DLGAP2: variants seen among roughly 807,000 people sequenced by gnomAD.
The protein encoded by DLGAP2 is DLG associated protein 2, also known as disks large-associated protein 2.
A neutral mutation model predicts 100.3 loss-of-function variants in DLGAP2; 26 were observed. That is an observed-to-expected ratio of 0.26 (90% CI 0.19 to 0.36). The LOEUF is 0.36. Ranked by LOEUF, DLGAP2 falls within the 10% of genes least tolerant of loss-of-function variation. The pLI is 1.00. For synonymous variants in DLGAP2, 886 were observed against 630.1 expected, an observed-to-expected ratio of 1.41 and a Z score of -6.08; for missense variants, 1,858 against 1,453.2, an observed-to-expected ratio of 1.28 and a Z score of -4.53.
At position 1,602,329 on chromosome 8, in the gene DLGAP2, G is replaced by T. The variant is rs540210632; in HGVS notation, c.1443-24411G>T. ...TTTCTAATTAATGGTGTGCTCTGAT[G>T]AATCGATGTCACTGAAATGGGGTCT... On this transcript the variant is annotated intron_variant, in intron 6 of 14. Coordinates refer to ENST00000637795, the MANE Select transcript of DLGAP2 (RefSeq NM_001346810.2). 2.6e-5 allele frequency among the ~76,000 whole-genome samples: 4 copies of T among 152,334 alleles called. No homozygotes were observed. In the South Asian group the frequency reaches 8.3e-4, roughly 32 times the overall value.
chr8:1,159,536 T>C (rs562862024), intron 2 of DLGAP2, among the ~76,000 whole-genome samples: 1 of 151,828 alleles, frequency 6.6e-6, no homozygotes, highest in South Asian at 2.1e-4. Context: ...TTAGAGTTTT[T>C]ACTAAGATGT....
At chr8:1,701,052 G>A (rs771273828) in intron 14 of DLGAP2, 136 bp from the exon 15 acceptor site, 2 of 761,676 alleles carry the variant, frequency 2.6e-6, no homozygotes, top group Non-Finnish European at 2.1e-6. Context: ...AGGGCAGACG[G>A]GGGACGGGAG....
chr8:1,172,818 C>G (rs1432232272), intron 2 of DLGAP2, among the ~76,000 whole-genome samples: 1 of 152,124 alleles, frequency 6.6e-6, no homozygotes, highest in Non-Finnish European at 1.5e-5. Context: ...ACTTCTTTGC[C>G]TATGGTTTGA....
chr8:1,620,820 T>G (rs1797308801), intron 6 of DLGAP2, among the ~76,000 whole-genome samples: 1 of 152,214 alleles, frequency 6.6e-6, no homozygotes, highest in Admixed American at 6.5e-5. Flanking sequence ...CACAAGTCCC[T>G]GATTAAGAAC....
chr8:1,068,696 A>T (rs919279216), intron 2 of DLGAP2, among the ~76,000 whole-genome samples: 5 of 151,810 alleles, frequency 3.3e-5, no homozygotes, highest in Admixed American at 6.6e-5. Context: ...CGCATGTGGG[A>T]CAGAGGGAGG....
At chr8:1,272,977 G>C (rs1426632414) in intron 3 of DLGAP2, among the ~76,000 whole-genome samples, 2 of 152,128 alleles carry the variant, frequency 1.3e-5, no homozygotes, top group South Asian at 2.1e-4. Flanking sequence ...AGGAATGTTC[G>C]GAGTGTGCTG....
chr8:1,021,283 G>A (rs1490952030), intron 2 of DLGAP2, among the ~76,000 whole-genome samples: 1 of 152,142 alleles, frequency 6.6e-6, no homozygotes, highest in Non-Finnish European at 1.5e-5. Context: ...ATTATAAGCT[G>A]CCAGCCCTAA....
At chr8:1,200,689 T>G (rs187075702) in intron 2 of DLGAP2, among the ~76,000 whole-genome samples, 2 of 151,644 alleles carry the variant, frequency 1.3e-5, no homozygotes, top group Non-Finnish European at 2.9e-5. Flanking sequence ...GCCCTTGACC[T>G]TCAAAGGTTG....
chr8:997,471 C>A (rs1563134931), intron 2 of DLGAP2, among the ~76,000 whole-genome samples: 1 of 152,080 alleles, frequency 6.6e-6, no homozygotes, highest in African/African-American at 2.4e-5. Flanking sequence ...ATCACAAAGC[C>A]TTCTACTCCT....
At chr8:1,420,074 G>T (rs1797046091) in intron 3 of DLGAP2, among the ~76,000 whole-genome samples, 1 of 152,186 alleles carries the variant, frequency 6.6e-6, no homozygotes, top group Non-Finnish European at 1.5e-5. Flanking sequence ...GGCCATCCCT[G>T]ATCCAGCTAA....
At chr8:1,525,280 A>G (rs1308727843) in intron 4 of DLGAP2, among the ~76,000 whole-genome samples, 4 of 150,924 alleles carry the variant, frequency 2.7e-5, no homozygotes, top group Non-Finnish European at 5.9e-5. Context: ...CAAAATTCAA[A>G]CCAGGCTTCT....
intron 3 of DLGAP2, among the ~76,000 whole-genome samples, chr8:1,304,360 C>A (rs1179584179): frequency 6.6e-6 from 1 of 152,214 alleles, no homozygotes; most frequent in Non-Finnish European, 1.5e-5. Context: ...AGCCTTTGAA[C>A]CTGGTGGAAC....
chr8:1,333,170 C>A (rs1373305095), intron 3 of DLGAP2, among the ~76,000 whole-genome samples: 1 of 152,172 alleles, frequency 6.6e-6, no homozygotes, highest in Non-Finnish European at 1.5e-5. Context: ...CAGGGACCAT[C>A]CAGAAGCCTC....
intron 3 of DLGAP2, among the ~76,000 whole-genome samples, chr8:1,370,832 G>A (rs954408047): frequency 5.9e-5 from 9 of 152,200 alleles, no homozygotes; most frequent in African/African-American, 2.2e-4. Context: ...ATTAAATTGG[G>A]CATAAAAGAT....
chr8:1,104,957 G>A (rs1054610127), intron 2 of DLGAP2: 1 of 152,174 alleles, frequency 6.6e-6, no homozygotes, highest in African/African-American at 2.4e-5. Flanking sequence ...CGCCTACCTC[G>A]ACTCGCCAGA....
intron 5 of DLGAP2, among the ~76,000 whole-genome samples, chr8:1,550,195 C>G (rs1019785827): frequency 6.6e-6 from 1 of 152,338 alleles, no homozygotes; most frequent in Non-Finnish European, 1.5e-5. Context: ...AATGGCAGAT[C>G]TCCTTCTTTC....
chr8:916,277 C>T (rs1281271767), intron 2 of DLGAP2, among the ~76,000 whole-genome samples: 1 of 152,218 alleles, frequency 6.6e-6, no homozygotes, highest in African/African-American at 2.4e-5. Flanking sequence ...GACACCAATG[C>T]TGATGTCACT....
chr8:1,316,328 A>T (rs867869505), intron 3 of DLGAP2, among the ~76,000 whole-genome samples: 6 of 127,990 alleles, frequency 4.7e-5, no homozygotes, highest in South Asian at 2.5e-4. Context: ...GGCAGCGTTT[A>T]AAAATAGAGC....
intron 2 of DLGAP2, among the ~76,000 whole-genome samples, chr8:1,159,547 G>A (rs1268539155): frequency 6.7e-6 from 1 of 149,744 alleles, no homozygotes. Flanking sequence ...ACTAAGATGT[G>A]TTCTAAACAA....
Sources: allele counts gnomAD v4.1 joint callset (sites outside exome capture counted in the v4.1 genomes callset), GRCh38; gene constraint gnomAD v4.1.1; transcripts MANE v1.5; gene names NCBI Gene and HGNC (gene_info 2026-07-23, HGNC 2026-07-21).